The following TMEM132C variants were observed in gnomAD, a reference collection of about 807,000 sequenced individuals.
The protein encoded by TMEM132C is transmembrane protein 132C, also known as protein phosphatase 1, regulatory subunit 152.
A neutral mutation model predicts 61.4 loss-of-function variants in TMEM132C; 29 were observed. The ratio of observed to expected loss-of-function variants is 0.47; its 90% CI spans 0.35 to 0.64. The LOEUF is 0.64. Among genes scored for constraint, TMEM132C ranks in the 30% least tolerant of loss-of-function variants. The pLI, the probability that TMEM132C is intolerant of heterozygous loss-of-function variation, is 0.00. For synonymous variants in TMEM132C, 656 were observed against 633.1 expected (o/e 1.04, Z -0.54); for missense variants, 1,408 against 1,476.9 (o/e 0.95, Z 0.76).
At chr12:128,620,232 CAAAAAAAA>C (rs386378194) in intron 4 of TMEM132C, among the ~76,000 whole-genome samples, 13 of 62,016 alleles carry the variant, frequency 2.1e-4, no homozygotes, top group Non-Finnish European at 4.2e-4. Context: ...GACCCTGTCT[CAAAAAAAA>C]AAAAAAAAAA....
intron 1 of TMEM132C, among the ~76,000 whole-genome samples, chr12:128,322,378 G>T (rs1013919834): frequency 3.9e-5 from 6 of 152,350 alleles, no homozygotes; most frequent in Admixed American, 3.9e-4. Context: ...AGACGTCCTG[G>T]CAGAGCCCTG....
At chr12:128,329,325 A>C (rs1426807473) in intron 1 of TMEM132C, among the ~76,000 whole-genome samples, 2 of 151,984 alleles carry the variant, frequency 1.3e-5, no homozygotes, top group African/African-American at 4.8e-5. Context: ...ATCTAAGTAA[A>C]CTCTGTCCGG....
At chr12:128,394,922 A>AAAAAAAATT (rs1874891535) in intron 1 of TMEM132C, among the ~76,000 whole-genome samples, 2 of 151,510 alleles carry the variant, frequency 1.3e-5, no homozygotes, top group South Asian at 2.1e-4. Context: ...AAAAAAAAAA[A>AAAAAAAATT]TCTAGTAAAG....
chr12:128,315,617 C>T (rs1194506458), intron 1 of TMEM132C, among the ~76,000 whole-genome samples: 1 of 152,112 alleles, frequency 6.6e-6, no homozygotes, highest in Non-Finnish European at 1.5e-5. Context: ...ATGTGTGTCT[C>T]AGTGCACTGG....
At chr12:128,465,714 A>C (rs1870708859) in intron 2 of TMEM132C, among the ~76,000 whole-genome samples, 1 of 152,230 alleles carries the variant, frequency 6.6e-6, no homozygotes, top group Non-Finnish European at 1.5e-5. Context: ...GTGTGGTGTG[A>C]GGGCCCCAAG....
intron 3 of TMEM132C, among the ~76,000 whole-genome samples, chr12:128,601,566 G>T (rs1015454263): frequency 3.3e-5 from 5 of 152,136 alleles, no homozygotes; most frequent in African/African-American, 1.2e-4. Flanking sequence ...AACCAGGGTG[G>T]ATGTCATGAA....
At chr12:128,704,095 G>C (rs1407551932) in intron 8 of TMEM132C, among the ~76,000 whole-genome samples, 4 of 152,180 alleles carry the variant, frequency 2.6e-5, no homozygotes, top group African/African-American at 9.7e-5. Context: ...CAGTCACATA[G>C]GCATGGGTGT....
chr12:128,530,123 G>A (rs768403799), intron 2 of TMEM132C, among the ~76,000 whole-genome samples: 1 of 152,056 alleles, frequency 6.6e-6, no homozygotes, highest in Non-Finnish European at 1.5e-5. Context: ...GGTGGGAAGA[G>A]TGGTGAGATG....
At position 128,492,033 on chromosome 12, in the gene TMEM132C, A is replaced by T. The variant is rs560123798; in HGVS notation, c.975-51924A>T. 5.7e-4 allele frequency among the ~76,000 whole-genome samples: 87 copies of T among 152,032 alleles called. 1 individual carries two copies. Among genetic ancestry groups the T allele is most frequent in the African/African-American group, 1.9e-3 (80 of 41,456 alleles). ...ACCCCACGACAGGCCCCGGTGTGTG[A>T]TGTTCCCCTTCCTGTGTCCAAGCAT... is the stretch of plus-strand genomic sequence containing the variant. On this transcript the variant is annotated intron_variant, in intron 2 of 8. Transcript: ENST00000435159.
intron 5 of TMEM132C, among the ~76,000 whole-genome samples, chr12:128,676,574 A>G (rs1954589367): frequency 6.6e-6 from 1 of 152,232 alleles, no homozygotes; most frequent in East Asian, 1.9e-4. Flanking sequence ...TTACACACAT[A>G]TACCCACATA....
At chr12:128,554,563 C>T (rs899936744) in intron 3 of TMEM132C, among the ~76,000 whole-genome samples, 6 of 152,146 alleles carry the variant, frequency 3.9e-5, no homozygotes, top group African/African-American at 1.4e-4. Flanking sequence ...CAAAAGTGGC[C>T]TGTTTGAGTC....
rs960810730 is a variant in TMEM132C at position 128,600,127 on chromosome 12, C to T, written c.1122-16025C>T. Among the ~76,000 whole-genome samples, 15 of 152,096 alleles carry T rather than the reference C, an allele frequency of 9.9e-5. No homozygotes were observed. The South Asian group carries it at 1.2e-3, about 13-fold the overall frequency. ...CCTCCTGAGTAGCTGGGACTACAGACGCCCGCCACTGCGCCCGGCTAATTT... is the reference window on the plus strand; with the variant it reads ...CCTCCTGAGTAGCTGGGACTACAGATGCCCGCCACTGCGCCCGGCTAATTT... On this transcript the variant is annotated intron_variant, in intron 3 of 8. Coordinates refer to ENST00000435159, the MANE Select transcript of TMEM132C (RefSeq NM_001136103.3).
At chr12:128,667,623 G>T (rs1954491817) in intron 4 of TMEM132C, among the ~76,000 whole-genome samples, 1 of 152,208 alleles carries the variant, frequency 6.6e-6, no homozygotes, top group Non-Finnish European at 1.5e-5. Context: ...CCTGGAGAAA[G>T]AACGGAGAAA....
At chr12:128,350,288 G>T in intron 1 of TMEM132C, among the ~76,000 whole-genome samples, 1 of 152,138 alleles carries the variant, frequency 6.6e-6, no homozygotes, top group East Asian at 1.9e-4. Flanking sequence ...GTGGGAGTTT[G>T]GGTGCGGGAC....
intron 1 of TMEM132C, among the ~76,000 whole-genome samples, chr12:128,272,535 G>A (rs912988874): frequency 2.0e-5 from 3 of 152,266 alleles, no homozygotes; most frequent in South Asian, 2.1e-4. Flanking sequence ...AGCTAGGATT[G>A]GGATTGCTAG....
chr12:128,306,074 A>C (rs1215902788), intron 1 of TMEM132C, among the ~76,000 whole-genome samples: 1 of 152,184 alleles, frequency 6.6e-6, no homozygotes, highest in Non-Finnish European at 1.5e-5. Context: ...CAATGACACT[A>C]GATTTTATTT....
chr12:128,607,797 C>T (rs1331155077), intron 3 of TMEM132C, among the ~76,000 whole-genome samples: 1 of 152,148 alleles, frequency 6.6e-6, no homozygotes, highest in Non-Finnish European at 1.5e-5. Flanking sequence ...TCTAAGTATG[C>T]ATAGCACCCC....
rs1870338394 is a variant in TMEM132C, at chr12:128,267,320, G to C, written c.-83G>C. The stretch of plus-strand genomic sequence containing the variant: ...CCGACCGGGCTGCGGGAGTGGCCCC[G>C]GGCATGGGGCGGCCGGCGGGGGCCG... On this transcript the variant is annotated 5_prime_UTR_variant, in exon 1 of 9. Coordinates refer to ENST00000435159, the MANE Select transcript of TMEM132C (RefSeq NM_001136103.3). 3 of 890,122 alleles carry C rather than the reference G, an allele frequency of 3.4e-6. No individual in the cohort carries two copies. Among genetic ancestry groups the C allele is most frequent in the Admixed American group, 1.3e-4 (2 of 15,780 alleles). 55.1% of individuals were successfully genotyped at this position (890,122 alleles called of 1,614,324 possible).
chr12:128,591,831 C>G (rs145490189), intron 3 of TMEM132C, among the ~76,000 whole-genome samples: 2,186 of 152,114 alleles, frequency 0.014, 53 homozygotes, highest in African/African-American at 0.05. Context: ...GCAGGTGGAT[C>G]ACTTGAGGTC....
Sources: gnomAD v4.1 joint callset for allele counts (sites outside exome capture counted in the v4.1 genomes callset) on GRCh38, gnomAD v4.1.1 for gene constraint, MANE v1.5 for transcripts, NCBI Gene and HGNC (gene_info 2026-07-23, HGNC 2026-07-21) for gene names.